The following LAMB4 variants were observed in gnomAD, a reference collection of about 807,000 sequenced individuals.
The protein encoded by LAMB4 is laminin subunit beta-4.
LAMB4 carries 196 observed loss-of-function variants against 199.2 expected under a neutral mutation model. The observed-to-expected ratio is 0.98, with a 90% CI of 0.88 to 1.11. The LOEUF is 1.11. LAMB4 is among the 50% of genes least tolerant of loss of function. LAMB4 has a pLI of 0.00. For synonymous variants in LAMB4, 744 were observed against 770.6 expected, an observed-to-expected ratio of 0.97 and a Z score of 0.57; for missense variants, 2,080 against 2,171.2, an observed-to-expected ratio of 0.96 and a Z score of 0.83.
chr7:108,025,419 T>TTCTG (rs1554420518), intron 33 of LAMB4, among the ~76,000 whole-genome samples: 5 of 116,430 alleles, frequency 4.3e-5, no homozygotes, highest in Non-Finnish European at 7.9e-5. Flanking sequence ...CTTTCTTTCT[T>TTCTG]CTTTCTTTCT....
At chr7:108,026,965 C>A (rs779993726) in intron 33 of LAMB4, 15 of 495,858 alleles carry the variant, frequency 3.0e-5, no homozygotes, top group Non-Finnish European at 5.5e-5. Context: ...TTAGACCTCC[C>A]TGAGAAGCCC....
intron 23 of LAMB4, 98 bp from the exon 24 acceptor site, chr7:108,058,026 A>G (rs1467398536): frequency 1.2e-6 from 1 of 804,240 alleles, no homozygotes; most frequent in Non-Finnish European, 2.1e-6. Flanking sequence ...GAATTAGAAC[A>G]TACAGCTGTG....
At chr7:108,087,620 C>T (rs1289373825) in intron 14 of LAMB4, among the ~76,000 whole-genome samples, 1 of 152,158 alleles carries the variant, frequency 6.6e-6, no homozygotes, top group Non-Finnish European at 1.5e-5. Flanking sequence ...CCACTGATGC[C>T]AGCACTGACC....
chr7:108,093,217 C>T (rs1339748056), intron 12 of LAMB4, among the ~76,000 whole-genome samples: 1 of 152,184 alleles, frequency 6.6e-6, no homozygotes, highest in Non-Finnish European at 1.5e-5. Context: ...CAGGCGCCTG[C>T]CACCACGCTC....
intron 26 of LAMB4, among the ~76,000 whole-genome samples, chr7:108,051,400 T>G (rs1323338636): frequency 1.3e-5 from 2 of 152,206 alleles, no homozygotes; most frequent in African/African-American, 4.8e-5. Flanking sequence ...TCATGTATAT[T>G]TTCCATCTGT....
At chr7:108,108,266 C>G (rs1348565918) in intron 5 of LAMB4, among the ~76,000 whole-genome samples, 1 of 152,202 alleles carries the variant, frequency 6.6e-6, no homozygotes, top group Non-Finnish European at 1.5e-5. Context: ...AATACACACA[C>G]CACAGTCTCT....
intron 31 of LAMB4, among the ~76,000 whole-genome samples, 166 bp downstream of exon 31, chr7:108,034,042 C>T (rs2035137910): frequency 6.6e-6 from 1 of 152,026 alleles, no homozygotes; most frequent in African/African-American, 2.4e-5. Context: ...GTGAGACGTG[C>T]TCTGTAGAAC....
intron 18 of LAMB4, among the ~76,000 whole-genome samples, chr7:108,068,905 C>G (rs777526829): frequency 2.0e-5 from 3 of 151,600 alleles, no homozygotes; most frequent in Non-Finnish European, 4.4e-5. Context: ...AGGCTGGTCT[C>G]GAACTCCTGA....
rs565035507 is a variant in LAMB4 at position 108,039,534 on chromosome 7, T to A, written c.4472-1939A>T. ...CTCAGGCTGGAGTGCAGTGGTGCGATCTCGGCTCACTGCAACCTCTGCCTC... is the reference window on the plus strand; with the variant it reads ...CTCAGGCTGGAGTGCAGTGGTGCGAACTCGGCTCACTGCAACCTCTGCCTC... On this transcript the variant is annotated intron_variant, in intron 29 of 33. Transcript: ENST00000388781. Among the ~76,000 whole-genome samples the A allele has an allele frequency of 1.2e-4, 18 of 150,980 alleles. No homozygotes were observed. In the East Asian group the frequency reaches 3.5e-3, roughly 30 times the overall value.
At chr7:108,039,064 T>TG (rs1053714222) in intron 29 of LAMB4, among the ~76,000 whole-genome samples, 3 of 152,060 alleles carry the variant, frequency 2.0e-5, no homozygotes, top group African/African-American at 7.2e-5. Flanking sequence ...GTGGAGACTG[T>TG]GGGGTGTGGG....
chr7:108,103,860 C>T (rs2037904253), intron 9 of LAMB4, among the ~76,000 whole-genome samples: 1 of 152,222 alleles, frequency 6.6e-6, no homozygotes, highest in Admixed American at 6.5e-5. Flanking sequence ...TATACTGTGA[C>T]TCTCATGGAT....
chr7:108,032,695 CGTGTGTGT>C (rs3050225), intron 31 of LAMB4, among the ~76,000 whole-genome samples: 38 of 144,614 alleles, frequency 2.6e-4, no homozygotes, highest in African/African-American at 8.5e-4. Context: ...TGTGTGTTTG[CGTGTGTGT>C]GTGTGTGTGT....
intron 23 of LAMB4, among the ~76,000 whole-genome samples, chr7:108,059,938 A>G (rs1404506547): frequency 6.6e-6 from 1 of 152,162 alleles, no homozygotes; most frequent in Non-Finnish European, 1.5e-5. Flanking sequence ...AATATCTGCA[A>G]ATTTGGGAAG....
At chr7:108,027,557 C>T (rs1732156) in intron 33 of LAMB4, among the ~76,000 whole-genome samples, 31,982 of 151,986 alleles carry the variant, frequency 0.21, 7,672 homozygotes, top group African/African-American at 0.6. Context: ...AAAGAGGCAT[C>T]TATAAGTGAG....
intron 2 of LAMB4, among the ~76,000 whole-genome samples, chr7:108,119,346 C>T (rs1183055141): frequency 2.6e-5 from 4 of 152,166 alleles, no homozygotes; most frequent in Admixed American, 6.5e-5. Context: ...TCCACAGCAT[C>T]TTTATCTGTA....
At chr7:108,037,815 G>T (rs2035283390) in intron 29 of LAMB4, among the ~76,000 whole-genome samples, 1 of 152,188 alleles carries the variant, frequency 6.6e-6, no homozygotes, top group Non-Finnish European at 1.5e-5. Context: ...AATACTTGCT[G>T]AACAAGTGCT....
At chr7:108,021,624 G>A (rs1276352104), downstream of LAMB4, among the ~76,000 whole-genome samples, 12 of 151,950 alleles carry the variant, frequency 7.9e-5, no homozygotes, top group East Asian at 7.7e-4. Context: ...CAGGAGAATC[G>A]CATGAAGCCG....
intron 21 of LAMB4, 43 bp from the exon 22 acceptor site, chr7:108,064,028 T>C: frequency 7.1e-7 from 1 of 1,407,622 alleles, no homozygotes; most frequent in Non-Finnish European, 1.0e-6. Context: ...GAGGTATCAG[T>C]GTTGGGAGAG....
chr7:108,032,716 G>GTGTC (rs1369038690), intron 31 of LAMB4, among the ~76,000 whole-genome samples: 1 of 152,042 alleles, frequency 6.6e-6, no homozygotes, highest in East Asian at 1.9e-4. Context: ...GTGTGTGTGT[G>GTGTC]TGTGTGTGTG....
Sources: allele counts gnomAD v4.1 joint callset (sites outside exome capture counted in the v4.1 genomes callset), GRCh38; gene constraint gnomAD v4.1.1; transcripts MANE v1.5; gene names NCBI Gene and HGNC (gene_info 2026-07-23, HGNC 2026-07-21).